LHFPL3: variants seen among roughly 807,000 people sequenced by gnomAD.
LHFPL3 encodes the protein LHFPL tetraspan subfamily member 3 protein.
In LHFPL3, 5 loss-of-function variants were observed where a neutral mutation model predicts 19.3. The observed-to-expected ratio is 0.26, with a 90% CI of 0.14 to 0.54. The LOEUF is 0.54. LHFPL3 is among the 20% of genes least tolerant of loss of function. The probability of loss-of-function intolerance (pLI) is 0.94; values close to 1 mark genes in which losing one functional copy is unlikely to be tolerated. For missense variants in LHFPL3, 249 were observed against 307.4 expected, an observed-to-expected ratio of 0.81 and a Z score of 1.42; for synonymous variants, 133 against 126.2, an observed-to-expected ratio of 1.05 and a Z score of -0.36.
chr7:104,468,145 G>A (rs866597523), intron 1 of LHFPL3, among the ~76,000 whole-genome samples: 15 of 152,172 alleles, frequency 9.9e-5, no homozygotes, highest in South Asian at 6.2e-4. Context: ...GCTGCAACCC[G>A]GAGGTCAGGA....
intron 1 of LHFPL3, among the ~76,000 whole-genome samples, chr7:104,674,663 A>G (rs1400578131): frequency 6.6e-6 from 1 of 152,066 alleles, no homozygotes; most frequent in East Asian, 1.9e-4. Flanking sequence ...CACTGCACCC[A>G]CTCGGGAAAG....
intron 1 of LHFPL3, among the ~76,000 whole-genome samples, chr7:104,424,218 G>T (rs1007311272): frequency 4.6e-5 from 7 of 152,164 alleles, no homozygotes; most frequent in African/African-American, 1.7e-4. Context: ...TCAAGAAATT[G>T]GTTTTCTGAT....
chr7:104,353,275 T>C (rs2116393732), intron 1 of LHFPL3, among the ~76,000 whole-genome samples: 1 of 152,316 alleles, frequency 6.6e-6, no homozygotes. Flanking sequence ...CCTGTGCTTA[T>C]AGGCAACTGC....
At chr7:104,842,304 G>C (rs1386750212) in intron 2 of LHFPL3, among the ~76,000 whole-genome samples, 4 of 133,230 alleles carry the variant, frequency 3.0e-5, no homozygotes, top group Admixed American at 7.6e-5. Context: ...GTGGGGGGGT[G>C]GGGGGAGGCT....
intron 1 of LHFPL3, among the ~76,000 whole-genome samples, chr7:104,731,088 C>T (rs1793694888): frequency 6.6e-6 from 1 of 152,128 alleles, no homozygotes; most frequent in Non-Finnish European, 1.5e-5. Flanking sequence ...GGGCTCTGTT[C>T]TGTTCTATTG....
chr7:104,701,319 C>G (rs1321047542), intron 1 of LHFPL3, among the ~76,000 whole-genome samples: 1 of 152,110 alleles, frequency 6.6e-6, no homozygotes, highest in Non-Finnish European at 1.5e-5. Context: ...ACCAACCGCT[C>G]TCCCCACGCA....
In LHFPL3 at chr7:104,586,018, G is replaced by T. The variant is rs934639995; in HGVS notation, c.446-150657G>T. ...TTTAATGATATTCAAAACTTTCATG[G>T]TAATAATTACAGTTGAAGAGTGTCA... On this transcript the variant is annotated intron_variant, in intron 1 of 2. Coordinates refer to ENST00000424859, the MANE Select transcript of LHFPL3 (RefSeq NM_199000.3). Among the ~76,000 whole-genome samples, 6 of 152,142 alleles carry T rather than the reference G, an allele frequency of 3.9e-5. No individual in the cohort carries two copies. In the South Asian group the frequency reaches 1.2e-3, roughly 32 times the overall value.
At chr7:104,693,714 A>G (rs1395605406) in intron 1 of LHFPL3, among the ~76,000 whole-genome samples, 1 of 150,620 alleles carries the variant, frequency 6.6e-6, no homozygotes, top group East Asian at 1.9e-4. Flanking sequence ...TTTTTTTTAA[A>G]GACAGAGTCT....
chr7:104,756,358 A>G (rs1208419606), intron 2 of LHFPL3, among the ~76,000 whole-genome samples: 2 of 152,220 alleles, frequency 1.3e-5, no homozygotes, highest in Admixed American at 1.3e-4. Context: ...TAAAATATAA[A>G]TACAAAATTG....
chr7:104,595,576 G>T (rs2098415), intron 1 of LHFPL3, among the ~76,000 whole-genome samples: 19,892 of 152,286 alleles, frequency 0.13, 1,510 homozygotes, highest in Non-Finnish European at 0.17. Context: ...AGTGCTGGGA[G>T]AACCACTGCT....
chr7:104,624,692 G>A (rs908970604), intron 1 of LHFPL3, among the ~76,000 whole-genome samples: 3 of 152,210 alleles, frequency 2.0e-5, no homozygotes, highest in African/African-American at 7.2e-5. Flanking sequence ...TGAAGAGAAG[G>A]AGGAAGAGTA....
At chr7:104,845,965 G>A (rs1219379450) in intron 2 of LHFPL3, among the ~76,000 whole-genome samples, 2 of 152,184 alleles carry the variant, frequency 1.3e-5, no homozygotes, top group Non-Finnish European at 2.9e-5. Context: ...GAGAAAAGAG[G>A]CCATCTTCTC....
At chr7:104,649,077 A>G (rs142708511) in intron 1 of LHFPL3, among the ~76,000 whole-genome samples, 1 of 152,228 alleles carries the variant, frequency 6.6e-6, no homozygotes, top group Non-Finnish European at 1.5e-5. Context: ...GCTGCTGCTC[A>G]GCTAACATCA....
At chr7:104,773,937 C>T (rs1451265641) in intron 2 of LHFPL3, among the ~76,000 whole-genome samples, 3 of 152,224 alleles carry the variant, frequency 2.0e-5, no homozygotes, top group Non-Finnish European at 4.4e-5. Context: ...TTAAGCCACC[C>T]GGGTTGTGGT....
At chr7:104,827,063 A>AC (rs1790837963) in intron 2 of LHFPL3, among the ~76,000 whole-genome samples, 1 of 151,838 alleles carries the variant, frequency 6.6e-6, no homozygotes, top group Admixed American at 6.6e-5. Flanking sequence ...TGCACCATTT[A>AC]CCCTAGACTA....
At chr7:104,596,065 AC>A (rs781704864) in intron 1 of LHFPL3, among the ~76,000 whole-genome samples, 2 of 152,214 alleles carry the variant, frequency 1.3e-5, no homozygotes, top group East Asian at 3.8e-4. Flanking sequence ...CGTGGGCTGC[AC>A]CCACTGTCCA....
At chr7:104,550,047 G>T (rs908814659) in intron 1 of LHFPL3, among the ~76,000 whole-genome samples, 2 of 152,098 alleles carry the variant, frequency 1.3e-5, no homozygotes, top group African/African-American at 4.8e-5. Flanking sequence ...TGCAGGACGA[G>T]CCAGCAGACA....
Position 104,554,688 on chromosome 7 carries a change from TAGAC to T in LHFPL3, c.446-181979_446-181976del, listed in dbSNP as rs376205691. ...ATAGATAGATAGATAGATAGATAGATAGACAGACAGATGATGAGAGGGGATTTAT... is the reference window on the plus strand; with the variant it reads ...ATAGATAGATAGATAGATAGATAGATAGACAGATGATGAGAGGGGATTTAT... On this transcript the variant is annotated intron_variant, in intron 1 of 2. Coordinates refer to ENST00000424859, the MANE Select transcript of LHFPL3 (RefSeq NM_199000.3). Among the ~76,000 whole-genome samples the T allele has an allele frequency of 2.2e-3, 271 of 121,016 alleles. 1 individual carries two copies. The highest frequency in any genetic ancestry group is 7.8e-3 in the African/African-American group (226 of 28,952). 79.4% of individuals were successfully genotyped at this position (121,016 alleles called of 152,430 possible).
At chr7:104,741,856 A>G (rs1244598799) in intron 2 of LHFPL3, among the ~76,000 whole-genome samples, 1 of 152,154 alleles carries the variant, frequency 6.6e-6, no homozygotes, top group Non-Finnish European at 1.5e-5. Flanking sequence ...AACTAACTTT[A>G]TATAGGAGCT....
Sources: gnomAD v4.1 joint callset for allele counts (sites outside exome capture counted in the v4.1 genomes callset) on GRCh38, gnomAD v4.1.1 for gene constraint, MANE v1.5 for transcripts, NCBI Gene and HGNC (gene_info 2026-07-23, HGNC 2026-07-21) for gene names.